The following TENT5D variants were observed in gnomAD, a reference collection of about 807,000 sequenced individuals.
TENT5D encodes terminal nucleotidyltransferase 5D, also known as cancer/testis antigen 112.
For synonymous variants in TENT5D, 103 were observed against 100.6 expected (o/e 1.02, Z -0.15); for missense variants, 191 against 287.0 (o/e 0.67, Z 2.42).
intron 1 of TENT5D, among the ~76,000 whole-genome samples, chrX:80,423,715 A>AT (rs1931932320): frequency 9.0e-6 from 1 of 110,834 alleles, no homozygotes; most frequent in South Asian, 3.9e-4. Flanking sequence ...AAGAAAAAAA[A>AT]AAAAGTGCCC....
At chrX:80,405,663 A>G (rs1010390434) in intron 3 of TENT5D, among the ~76,000 whole-genome samples, 1 of 111,760 alleles carries the variant, frequency 8.9e-6, no homozygotes, top group Non-Finnish European at 1.9e-5. Context: ...GCAAGGCGGC[A>G]GCGAGGCTGG....
chrX:80,346,014 A>T, intron 3 of TENT5D, among the ~76,000 whole-genome samples: 1 of 111,999 alleles, frequency 8.9e-6, no homozygotes, highest in South Asian at 3.7e-4. Context: ...TCTATTTAAT[A>T]ACCCTGTGTA....
At chrX:80,386,828 A>T (rs942697851) in intron 3 of TENT5D, among the ~76,000 whole-genome samples, 3 of 111,709 alleles carry the variant, frequency 2.7e-5, no homozygotes, top group Non-Finnish European at 3.8e-5. Context: ...GCATATTGAA[A>T]AAAACTAGAG....
intron 1 of TENT5D, among the ~76,000 whole-genome samples, chrX:80,426,490 A>G (rs1931990482): frequency 1.8e-5 from 2 of 111,720 alleles, no homozygotes; most frequent in African/African-American, 6.5e-5. Context: ...AGATTTTTAC[A>G]AACCTTTTAT....
chrX:80,414,369 C>G (rs1011063924), intron 3 of TENT5D, among the ~76,000 whole-genome samples: 1 of 111,263 alleles, frequency 9.0e-6, no homozygotes, highest in African/African-American at 3.3e-5. Context: ...CACCTCCACT[C>G]AGAATCCCTT....
chrX:80,347,924 T>A (rs191003808), intron 3 of TENT5D, among the ~76,000 whole-genome samples: 3 of 112,101 alleles, frequency 2.7e-5, no homozygotes, highest in Non-Finnish European at 3.8e-5. Context: ...ATTTATTAAA[T>A]AGGGAATCCT....
intron 3 of TENT5D, among the ~76,000 whole-genome samples, chrX:80,360,386 A>G (rs1443101987): frequency 8.9e-6 from 1 of 112,104 alleles, no homozygotes; most frequent in East Asian, 2.8e-4. Flanking sequence ...AAACCAAAAT[A>G]AGTGACATTT....
exon 3 of TENT5D, chrX:80,444,091 G>T (rs1368882294): frequency 1.4e-5 from 2 of 140,768 alleles, no homozygotes; most frequent in Non-Finnish European, 3.1e-5. Flanking sequence ...TTAAAATTAA[G>T]ATGTACAGTG....
chrX:80,408,355 C>T (rs1272246149), intron 3 of TENT5D, among the ~76,000 whole-genome samples: 1 of 109,940 alleles, frequency 9.1e-6, no homozygotes, highest in East Asian at 2.8e-4. Context: ...AGACCGCTAG[C>T]AAGACTAATA....
chrX:80,366,275 G>A (rs1476200978), intron 3 of TENT5D, among the ~76,000 whole-genome samples: 1 of 108,047 alleles, frequency 9.3e-6, no homozygotes, highest in Non-Finnish European at 1.9e-5. Flanking sequence ...GTATTATGAA[G>A]CCTTAATTAT....
chrX:80,432,490 C>T (rs750446209), intron 1 of TENT5D, among the ~76,000 whole-genome samples: 4 of 111,482 alleles, frequency 3.6e-5, no homozygotes, highest in Non-Finnish European at 5.7e-5. Context: ...TTTAACTGGC[C>T]GAAAGGAACC....
chrX:80,344,504 C>A (rs899540434), intron 3 of TENT5D, among the ~76,000 whole-genome samples: 1 of 109,516 alleles, frequency 9.1e-6, no homozygotes, highest in Non-Finnish European at 1.9e-5. Context: ...TACTGACTGG[C>A]GTGAGATGGT....
chrX:80,436,219 TGA>T (rs1932179532), intron 1 of TENT5D, among the ~76,000 whole-genome samples: 1 of 110,819 alleles, frequency 9.0e-6, no homozygotes, highest in African/African-American at 3.3e-5. Flanking sequence ...ATATCTTATC[TGA>T]ATGTCTACTA....
intron 1 of TENT5D, among the ~76,000 whole-genome samples, chrX:80,422,935 C>T (rs1476783904): frequency 9.0e-6 from 1 of 111,647 alleles, no homozygotes; most frequent in Non-Finnish European, 1.9e-5. Flanking sequence ...AGGGTCATGG[C>T]GAGTTGTACA....
chrX:80,415,277 C>T (rs1931746478), intron 3 of TENT5D, among the ~76,000 whole-genome samples: 1 of 111,168 alleles, frequency 9.0e-6, no homozygotes, highest in South Asian at 3.8e-4. Context: ...TTTGGATACC[C>T]TTTATTTTTT....
At chrX:80,409,325 G>A (rs1304528629) in intron 3 of TENT5D, among the ~76,000 whole-genome samples, 3 of 110,051 alleles carry the variant, frequency 2.7e-5, no homozygotes, top group African/African-American at 6.6e-5. Context: ...GTTTGCAGAC[G>A]ACATGATTGT....
At chrX:80,435,434 T>C (rs772393044) in intron 1 of TENT5D, among the ~76,000 whole-genome samples, 20 of 112,250 alleles carry the variant, frequency 1.8e-4, no homozygotes, top group Non-Finnish European at 3.6e-4. Context: ...CCGTTTTCAT[T>C]TAAATTGTTA....
chrX:80,362,586 T>G (rs761134202), intron 3 of TENT5D, among the ~76,000 whole-genome samples: 1 of 112,230 alleles, frequency 8.9e-6, no homozygotes, highest in East Asian at 2.8e-4. Context: ...TGCCCTTTGC[T>G]TTTTTATTTT....
At chrX:80,350,243 G>A (rs1260319757) in intron 3 of TENT5D, among the ~76,000 whole-genome samples, 1 of 110,930 alleles carries the variant, frequency 9.0e-6, no homozygotes, top group African/African-American at 3.3e-5. Context: ...TATTGACAGT[G>A]GGGCGTTAAA....
Sources: gnomAD v4.1 joint callset for allele counts (sites outside exome capture counted in the v4.1 genomes callset) on GRCh38, gnomAD v4.1.1 for gene constraint, MANE v1.5 for transcripts, NCBI Gene and HGNC (gene_info 2026-07-23, HGNC 2026-07-21) for gene names.